TF: variants seen among roughly 807,000 people sequenced by gnomAD.
TF encodes serotransferrin.
In TF, 55 loss-of-function variants were observed where a neutral mutation model predicts 82.4. The observed-to-expected ratio is 0.67, with a 90% confidence interval of 0.54 to 0.84. The LOEUF is 0.84. Ranked by LOEUF, TF falls within the 40% of genes least tolerant of loss-of-function variation. The probability of loss-of-function intolerance (pLI) is 0.00; values close to 1 mark genes in which losing one functional copy is unlikely to be tolerated. For missense variants in TF, 737 were observed against 868.4 expected (o/e 0.85, Z 1.90); for synonymous variants, 332 against 332.6 (o/e 1.00, Z 0.02).
chr3:133,714,785 C>A, the TF span, among the ~76,000 whole-genome samples: 2 of 152,134 alleles, frequency 1.3e-5, no homozygotes, highest in African/African-American at 2.4e-5. Flanking sequence ...TGGGTTGAAG[C>A]AGTTTTCCTG....
chr3:133,708,601 A>G, the TF span, among the ~76,000 whole-genome samples: 1 of 151,898 alleles, frequency 6.6e-6, no homozygotes, highest in Non-Finnish European at 1.5e-5. Context: ...GAGGTCTGAT[A>G]ATAGTATCTT....
At chr3:133,734,975 CAT>C in the TF span, among the ~76,000 whole-genome samples, 7 of 152,146 alleles carry the variant, frequency 4.6e-5, no homozygotes, top group South Asian at 2.1e-4. Context: ...TTAAATGTAA[CAT>C]GTGGATCTTC....
chr3:133,776,838 C>T (rs41296606), intron 15 of TF, among the ~76,000 whole-genome samples: 1 of 152,082 alleles, frequency 6.6e-6, no homozygotes, highest in Non-Finnish European at 1.5e-5. Flanking sequence ...ACCAGGGACC[C>T]TATAGATGAT....
In TF at chr3:133,756,221, T is replaced by C; in HGVS notation, c.636-61T>C. On this transcript the variant is annotated intron_variant, in intron 5 of 16. Coordinates refer to ENST00000402696, the MANE Select transcript of TF (RefSeq NM_001063.4). ...AGTGCTGGACAGTGTGATCAGACTC[T>C]CCAGGTGCAGGAGAAGGGCCTGCCC... 1.9e-6 allele frequency: 3 copies of C among 1,545,150 alleles called. No individual in the cohort carries two copies. In the South Asian group the frequency reaches 3.4e-5, roughly 18 times the overall value.
chr3:133,683,454 C>A, the TF span, among the ~76,000 whole-genome samples: 1 of 151,982 alleles, frequency 6.6e-6, no homozygotes, highest in African/African-American at 2.4e-5. Context: ...TTCAGAAGAC[C>A]CATCTCACAT....
At chr3:133,733,052 G>A in the TF span, among the ~76,000 whole-genome samples, 10 of 152,302 alleles carry the variant, frequency 6.6e-5, 1 homozygote, top group South Asian at 1.2e-3. Context: ...TTCTACCAAC[G>A]CTATGTTCCT....
At chr3:133,686,786 G>A in the TF span, among the ~76,000 whole-genome samples, 1 of 151,692 alleles carries the variant, frequency 6.6e-6, no homozygotes, top group Admixed American at 6.6e-5. Context: ...AGACAGTGTG[G>A]CAATTCCTCA....
chr3:133,736,639 A>AAAG, the TF span, among the ~76,000 whole-genome samples: 1 of 148,306 alleles, frequency 6.7e-6, no homozygotes, highest in Non-Finnish European at 1.5e-5. Context: ...GCCAAAAAAA[A>AAAG]AAAAAAAAAA....
the TF span, among the ~76,000 whole-genome samples, chr3:133,721,307 T>A: frequency 1.4e-5 from 2 of 145,244 alleles, no homozygotes; most frequent in South Asian, 4.4e-4. Context: ...TCATTTGTCT[T>A]AAGGAATTTT....
chr3:133,714,855 G>A, the TF span, among the ~76,000 whole-genome samples: 1 of 151,866 alleles, frequency 6.6e-6, no homozygotes, highest in Admixed American at 6.6e-5. Context: ...GCTAATTTTT[G>A]TATTTTGAGT....
chr3:133,736,661 A>C, the TF span, among the ~76,000 whole-genome samples: 1 of 148,866 alleles, frequency 6.7e-6, no homozygotes, highest in African/African-American at 2.5e-5. Context: ...AGCAGGGGTT[A>C]CAATCTTAGT....
chr3:133,750,381 G>A (rs912308741), intron 2 of TF, among the ~76,000 whole-genome samples: 2 of 152,182 alleles, frequency 1.3e-5, no homozygotes, highest in Non-Finnish European at 2.9e-5. Flanking sequence ...AAAGCAAGCA[G>A]TAGGTTAGCC....
the TF span, among the ~76,000 whole-genome samples, chr3:133,729,252 C>A: frequency 6.6e-6 from 1 of 152,332 alleles, no homozygotes; most frequent in African/African-American, 2.4e-5. Context: ...CTGTGCCCTG[C>A]CCCCAGAGAT....
the TF span, among the ~76,000 whole-genome samples, chr3:133,686,819 A>G: frequency 1.4e-5 from 1 of 73,288 alleles, no homozygotes; most frequent in Non-Finnish European, 2.6e-5. Context: ...TAGAAGTACC[A>G]TTTTACCCAA....
chr3:133,746,913 C>T (rs1163401967), intron 1 of TF, among the ~76,000 whole-genome samples: 2 of 152,164 alleles, frequency 1.3e-5, no homozygotes, highest in African/African-American at 2.4e-5. Flanking sequence ...TGCCATCGAG[C>T]GGTCAGAGCA....
chr3:133,710,577 T>C, the TF span, among the ~76,000 whole-genome samples: 21 of 152,250 alleles, frequency 1.4e-4, no homozygotes, highest in African/African-American at 3.4e-4. Context: ...GAGAAGTTTC[T>C]CTTAACATCC....
At chr3:133,753,875 G>A in intron 3 of TF, 172 bp downstream of exon 3, 2 of 693,152 alleles carry the variant, frequency 2.9e-6, no homozygotes, top group South Asian at 1.6e-5. Flanking sequence ...AAGGCCTCTG[G>A]GGGCTTTGGG....
intron 14 of TF, chr3:133,770,781 C>T (rs1200473093): frequency 4.8e-6 from 3 of 618,876 alleles, no homozygotes; most frequent in African/African-American, 1.8e-5. Context: ...GCCCTAAATC[C>T]TCCCCAACAC....
At chr3:133,669,611 A>G in the TF span, among the ~76,000 whole-genome samples, 1 of 152,196 alleles carries the variant, frequency 6.6e-6, no homozygotes, top group Non-Finnish European at 1.5e-5. Flanking sequence ...GCTCTTCCTT[A>G]TTCTGTCATT....
Sources: allele counts gnomAD v4.1 joint callset (sites outside exome capture counted in the v4.1 genomes callset), GRCh38; gene constraint gnomAD v4.1.1; transcripts MANE v1.5; gene names NCBI Gene and HGNC (gene_info 2026-07-23, HGNC 2026-07-21).